The following UBE2G1 variants were observed in gnomAD, a reference collection of about 807,000 sequenced individuals.
UBE2G1 encodes ubiquitin-conjugating enzyme E2 G1.
UBE2G1 carries 5 observed loss-of-function variants against 22.7 expected under a neutral mutation model. That is an observed-to-expected ratio of 0.22 (90% confidence interval 0.12 to 0.46). The LOEUF is 0.46. Ranked by LOEUF, UBE2G1 falls within the 20% of genes least tolerant of loss-of-function variation. UBE2G1 has a pLI of 0.99. For missense variants in UBE2G1, 88 were observed against 203.9 expected (o/e 0.43, Z 3.46); for synonymous variants, 74 against 67.5 (o/e 1.10, Z -0.47).
intron 5 of UBE2G1, among the ~76,000 whole-genome samples, chr17:4,276,524 AAC>A (rs1265113098): frequency 2.6e-5 from 4 of 152,154 alleles, no homozygotes; most frequent in African/African-American, 9.7e-5. Context: ...TGGCTAGGCA[AAC>A]AGTCTTTACA....
intron 2 of UBE2G1, among the ~76,000 whole-genome samples, chr17:4,300,521 C>T (rs1389494852): frequency 6.6e-6 from 1 of 151,606 alleles, no homozygotes; most frequent in African/African-American, 2.4e-5. Context: ...CCAGCCTGGG[C>T]CACAAAGCAA....
chr17:4,325,146 T>C (rs1322432763), intron 1 of UBE2G1, among the ~76,000 whole-genome samples: 2 of 151,840 alleles, frequency 1.3e-5, no homozygotes, highest in Admixed American at 6.6e-5. Context: ...TCTTCAAAAA[T>C]TCAATCTGAA....
intron 1 of UBE2G1, among the ~76,000 whole-genome samples, chr17:4,357,340 C>T (rs1969917273): frequency 6.6e-6 from 1 of 151,914 alleles, no homozygotes; most frequent in South Asian, 2.1e-4. Context: ...GTTAGACTAA[C>T]ATAAATTAAA....
At chr17:4,306,440 C>T (rs999023871) in intron 2 of UBE2G1, among the ~76,000 whole-genome samples, 1 of 152,042 alleles carries the variant, frequency 6.6e-6, no homozygotes, top group Admixed American at 6.6e-5. Flanking sequence ...CCACCCACCT[C>T]AGCCTCCTAA....
chr17:4,320,464 A>G (rs1244739707), intron 1 of UBE2G1, among the ~76,000 whole-genome samples: 2 of 152,186 alleles, frequency 1.3e-5, no homozygotes, highest in Non-Finnish European at 2.9e-5. Flanking sequence ...CTTGCAACTT[A>G]AAGTATATAA....
chr17:4,304,306 T>A (rs763812858), intron 2 of UBE2G1, among the ~76,000 whole-genome samples: 1 of 152,164 alleles, frequency 6.6e-6, no homozygotes, highest in Non-Finnish European at 1.5e-5. Flanking sequence ...TAAACTTCCG[T>A]ACTACAAACC....
intron 5 of UBE2G1, among the ~76,000 whole-genome samples, chr17:4,277,991 C>T (rs978113634): frequency 6.6e-6 from 1 of 152,074 alleles, no homozygotes; most frequent in African/African-American, 2.4e-5. Flanking sequence ...CCTCTGCCTC[C>T]GGGATTCAAG....
chr17:4,348,718 A>T (rs1415330213), intron 1 of UBE2G1, among the ~76,000 whole-genome samples: 2 of 148,454 alleles, frequency 1.3e-5, no homozygotes, highest in African/African-American at 5.0e-5. Context: ...AAAATTAACT[A>T]GGCATGGTGG....
chr17:4,347,077 CA>C (rs768435378), intron 1 of UBE2G1, among the ~76,000 whole-genome samples: 43 of 152,014 alleles, frequency 2.8e-4, no homozygotes, highest in Non-Finnish European at 5.7e-4. Context: ...CGCTTGAGCC[CA>C]GGAGGCGGAG....
At chr17:4,357,284 T>C (rs947726957) in intron 1 of UBE2G1, among the ~76,000 whole-genome samples, 5 of 151,814 alleles carry the variant, frequency 3.3e-5, no homozygotes, top group Admixed American at 3.3e-4. Context: ...AGTGCAAGAG[T>C]AGTAATGCCG....
chr17:4,341,634 C>T (rs1327747006), intron 1 of UBE2G1, among the ~76,000 whole-genome samples: 1 of 152,162 alleles, frequency 6.6e-6, no homozygotes, highest in Non-Finnish European at 1.5e-5. Flanking sequence ...CCTCCAGTTA[C>T]TGCACCATTT....
intron 1 of UBE2G1, among the ~76,000 whole-genome samples, chr17:4,361,873 C>A (rs1436347797): frequency 7.0e-6 from 1 of 143,724 alleles, no homozygotes; most frequent in African/African-American, 2.6e-5. Context: ...ACCCGCGAGG[C>A]GGAGGTTGCA....
chr17:4,274,968 G>A (rs1968804986), intron 5 of UBE2G1, among the ~76,000 whole-genome samples: 1 of 69,408 alleles, frequency 1.4e-5, no homozygotes, highest in Non-Finnish European at 3.4e-5. Context: ...AGGCTGCAGT[G>A]AGACATGAGT....
intron 1 of UBE2G1, among the ~76,000 whole-genome samples, chr17:4,315,233 A>G (rs1004260874): frequency 5.9e-5 from 9 of 151,926 alleles, no homozygotes; most frequent in African/African-American, 2.2e-4. Context: ...CATTATACCT[A>G]TCTGTCTACT....
At chr17:4,315,160 TAGG>T (rs1969351336) in intron 1 of UBE2G1, among the ~76,000 whole-genome samples, 1 of 152,148 alleles carries the variant, frequency 6.6e-6, no homozygotes. Context: ...AGGGCTAAGA[TAGG>T]TGAAACGAGG....
intron 1 of UBE2G1, among the ~76,000 whole-genome samples, chr17:4,327,279 A>T (rs867746230): frequency 2.0e-5 from 3 of 152,056 alleles, no homozygotes; most frequent in African/African-American, 7.2e-5. Context: ...CCTGGGTGAC[A>T]GAGCAAGACT....
At chr17:4,321,150 A>T (rs1311776501) in intron 1 of UBE2G1, among the ~76,000 whole-genome samples, 2 of 151,536 alleles carry the variant, frequency 1.3e-5, no homozygotes, top group Non-Finnish European at 2.9e-5. Flanking sequence ...ACCCCATCTT[A>T]AAAAAAAATT....
At chr17:4,303,888 A>G (rs532703537) in intron 2 of UBE2G1, among the ~76,000 whole-genome samples, 1 of 152,358 alleles carries the variant, frequency 6.6e-6, no homozygotes, top group African/African-American at 2.4e-5. Flanking sequence ...AAATAAATAA[A>G]TAAGACATAC....
At chr17:4,341,225 T>C (rs541339095) in intron 1 of UBE2G1, among the ~76,000 whole-genome samples, 95 of 152,314 alleles carry the variant, frequency 6.2e-4, no homozygotes, top group Middle Eastern at 3.4e-3. Context: ...CAACGCTTAC[T>C]GGGTACTATG....
Sources: allele counts gnomAD v4.1 joint callset (sites outside exome capture counted in the v4.1 genomes callset), GRCh38; gene constraint gnomAD v4.1.1; transcripts MANE v1.5; gene names NCBI Gene and HGNC (gene_info 2026-07-23, HGNC 2026-07-21).